CAMKK1: variants seen among roughly 807,000 people sequenced by gnomAD.
The protein encoded by CAMKK1 is calcium/calmodulin dependent protein kinase kinase 1.
A neutral mutation model predicts 63.5 loss-of-function variants in CAMKK1; 20 were observed. That is an observed-to-expected ratio of 0.32 (90% CI 0.22 to 0.46). The LOEUF is 0.46. Among genes scored for constraint, CAMKK1 ranks in the 20% least tolerant of loss-of-function variants. The probability of loss-of-function intolerance (pLI) is 1.00; values close to 1 mark genes in which losing one functional copy is unlikely to be tolerated. For missense variants in CAMKK1, 588 were observed against 658.1 expected, an observed-to-expected ratio of 0.89 and a Z score of 1.17; for synonymous variants, 253 against 269.0, an observed-to-expected ratio of 0.94 and a Z score of 0.58.
chr17:3,864,886 C>T (rs546902630), intron 15 of CAMKK1, among the ~76,000 whole-genome samples: 2 of 152,332 alleles, frequency 1.3e-5, no homozygotes, highest in African/African-American at 4.8e-5. Flanking sequence ...AGAGGGAGGC[C>T]TCACGGGAAA....
chr17:3,870,183 G>A (rs772044138), intron 12 of CAMKK1, among the ~76,000 whole-genome samples: 3 of 151,912 alleles, frequency 2.0e-5, no homozygotes, highest in East Asian at 1.9e-4. Flanking sequence ...TCACCACCTC[G>A]TCCTTTTCTA....
Position 3,869,158 on chromosome 17 carries a change from C to T in CAMKK1, c.1341+329G>A, listed in dbSNP as rs914135026. Among the ~76,000 whole-genome samples the T allele has an allele frequency of 4.6e-4, 69 of 151,518 alleles. 1 individual carries two copies. The highest frequency in any genetic ancestry group is 3.7e-4 in the Non-Finnish European group (25 of 67,876). On this transcript the variant is annotated intron_variant, in intron 14 of 15. Coordinates refer to ENST00000348335, the MANE Select transcript of CAMKK1 (RefSeq NM_032294.3). ...TAATTTTCTATATTTTTAGTAGAGT[C>T]GGGGTTTCAAGGATGGTCTCGATCT...
In CAMKK1 at chr17:3,885,349, G is replaced by T; in HGVS notation, c.339C>A (p.His113Gln). 6.2e-7 allele frequency: 1 copy of T among 1,600,264 alleles called. No homozygotes were observed. Reference sequence around the variant, plus strand: ...CAACCTCTGCATCTGAGATGGCCACGTGGTGGGACTCGATGGTGGGCCTCC... The same window carrying T: ...CAACCTCTGCATCTGAGATGGCCACTTGGTGGGACTCGATGGTGGGCCTCC... ...AWRRPTIESHHVAISDAEDCV... is the reference protein window; with the variant it reads ...AWRRPTIESHQVAISDAEDCV... Residue 113 changes from histidine to glutamine, a missense_variant, in exon 2 of 16, where the codon CAC (histidine) becomes CAA (glutamine). By Grantham distance (24) the His-to-Gln change is conservative. Transcript: ENST00000348335.
At position 3,882,498 on chromosome 17, in the gene CAMKK1, G is replaced by C; in HGVS notation, c.685+30C>G. 6.3e-7 allele frequency: 1 copy of C among 1,598,444 alleles called. No homozygotes were observed. The highest frequency in any genetic ancestry group is 8.5e-7 in the Non-Finnish European group (1 of 1,171,658). On this transcript the variant is annotated intron_variant, in intron 7 of 15. Coordinates refer to ENST00000348335, the MANE Select transcript of CAMKK1 (RefSeq NM_032294.3). The surrounding 1 kb of genome is among the most constrained non-coding windows in gnomAD (Gnocchi z 4.3). Reference sequence around the variant, plus strand: ...GAGCCCTTGGGCCAGCCCTGAGTGAGCTGCTGTGGGAATGAGCCAGGTCAC... The same window carrying C: ...GAGCCCTTGGGCCAGCCCTGAGTGACCTGCTGTGGGAATGAGCCAGGTCAC...
At chr17:3,873,166 G>A (rs2054970681) in intron 11 of CAMKK1, among the ~76,000 whole-genome samples, 1 of 152,220 alleles carries the variant, frequency 6.6e-6, no homozygotes, top group Admixed American at 6.5e-5. Context: ...ACTCTGGCTG[G>A]GGCGGTGGCA....
intron 15 of CAMKK1, among the ~76,000 whole-genome samples, chr17:3,864,546 G>T (rs551936178): frequency 6.6e-6 from 1 of 152,084 alleles, no homozygotes; most frequent in Non-Finnish European, 1.5e-5. Context: ...GCACCCGGCC[G>T]TGCTGGCATA....
At position 3,872,640 on chromosome 17, in the gene CAMKK1, G is replaced by C. The variant is rs752289982; in HGVS notation, c.1051-13C>G. ...CGATGAATGGGCACTGTGGGGTGGA[G>C]AGGCAGACAAAGGATGTGGGTCCAG... On this transcript the variant is annotated splice_polypyrimidine_tract_variant and intron_variant, in intron 11 of 15. Transcript: ENST00000348335. 6.2e-7 allele frequency: 1 copy of C among 1,612,180 alleles called. No individual in the cohort carries two copies. The highest frequency in any genetic ancestry group is 8.5e-7 in the Non-Finnish European group (1 of 1,178,174).
Position 3,862,002 on chromosome 17 carries a change from A to T in CAMKK1, c.*209T>A, listed in dbSNP as rs1667066797. 1.7e-6 allele frequency: 1 copy of T among 586,126 alleles called. No individual in the cohort carries two copies. 36.3% of individuals were successfully genotyped at this position (586,126 alleles called of 1,614,324 possible). A position where few individuals can be genotyped will look rare whatever the true frequency, so the allele number is the denominator to read the frequency against. On this transcript the variant is annotated 3_prime_UTR_variant, in exon 16 of 16. Transcript: ENST00000348335. The surrounding 1 kb of genome is among the most constrained non-coding windows in gnomAD (Gnocchi z 4.1). Reference sequence around the variant, plus strand: ...AAGAAGAGGAGGATGGCCTCGTGGGAGCCCTGCCCCCAAGACCCCAAATGA... The same window carrying T: ...AAGAAGAGGAGGATGGCCTCGTGGGTGCCCTGCCCCCAAGACCCCAAATGA...
chr17:3,880,528 T>C, intron 8 of CAMKK1, 94 bp from the exon 9 acceptor site: 2 of 872,832 alleles, frequency 2.3e-6, no homozygotes, highest in Middle Eastern at 2.2e-4. Context: ...TGTGCCCACA[T>C]GAGTCCCTAC....
intron 11 of CAMKK1, 126 bp from the exon 12 acceptor site, chr17:3,872,753 G>C: frequency 1.4e-6 from 1 of 706,686 alleles, no homozygotes; most frequent in Non-Finnish European, 2.6e-6. Context: ...ACATGAGAAG[G>C]ACCTCAACTC....
rs913754957 is a variant in CAMKK1 at position 3,873,520 on chromosome 17, A to T, written c.997-58T>A. On this transcript the variant is annotated intron_variant, in intron 10 of 15. Coordinates refer to ENST00000348335, the MANE Select transcript of CAMKK1 (RefSeq NM_032294.3). ...CAGGCACAGCCACCTCTGCCCACCCAGCTCCAGCGGGCTGCAGGAGAGGCC... is the reference window on the plus strand; with the variant it reads ...CAGGCACAGCCACCTCTGCCCACCCTGCTCCAGCGGGCTGCAGGAGAGGCC... The T allele has an allele frequency of 1.8e-4, 282 of 1,561,678 alleles. 1 individual carries two copies. The highest frequency in any genetic ancestry group is 2.2e-4 in the Admixed American group (13 of 59,882).
At chr17:3,880,155 G>T (rs1163902240) in intron 9 of CAMKK1, 191 bp downstream of exon 9, 3 of 598,964 alleles carry the variant, frequency 5.0e-6, no homozygotes, top group Non-Finnish European at 9.0e-6. Context: ...ATGCCCAGTG[G>T]AGTCCACCGC....
In CAMKK1 at chr17:3,889,864, C is replaced by T. The variant is rs1043186269; in HGVS notation, c.-44+3075G>A. Reference sequence around the variant, plus strand: ...CATCCAGCTGCATCCCTCAAAGGAGCCCCAGAGCAGGCAGACCCTGCTGCC... The same window carrying T: ...CATCCAGCTGCATCCCTCAAAGGAGTCCCAGAGCAGGCAGACCCTGCTGCC... On this transcript the variant is annotated intron_variant, in intron 1 of 15. Coordinates refer to ENST00000348335, the MANE Select transcript of CAMKK1 (RefSeq NM_032294.3). The surrounding 1 kb of genome is among the most constrained non-coding windows in gnomAD (Gnocchi z 5.2). 2.6e-5 allele frequency among the ~76,000 whole-genome samples: 4 copies of T among 152,240 alleles called. No individual in the cohort carries two copies. The highest frequency in any genetic ancestry group is 4.4e-5 in the Non-Finnish European group (3 of 68,036).
intron 1 of CAMKK1, among the ~76,000 whole-genome samples, chr17:3,886,635 A>G (rs1295074867): frequency 6.6e-6 from 1 of 152,034 alleles, no homozygotes; most frequent in Non-Finnish European, 1.5e-5. Flanking sequence ...CGGTTTCAAA[A>G]AAAAGCAAGG....
In CAMKK1 at chr17:3,865,798, C is replaced by T. The variant is rs1034889538; in HGVS notation, c.1445+110G>A. 8 of 1,532,046 alleles carry T rather than the reference C, an allele frequency of 5.2e-6. No homozygotes were observed. The African/African-American group carries it at 8.2e-5, about 16-fold the overall frequency. The allele number at this position is 1,532,046 out of a possible 1,614,324, so 94.9% of individuals were successfully genotyped here. A position where few individuals can be genotyped will look rare whatever the true frequency, so the allele number is the denominator to read the frequency against. ...GGCCAACACCGAGACCTGGCCAAGT[C>T]CCCAGGCTCTGGCCTTGGCCCAACG... On this transcript the variant is annotated intron_variant, in intron 15 of 15. Transcript: ENST00000348335.
At chr17:3,863,739 A>G (rs960652352) in intron 15 of CAMKK1, among the ~76,000 whole-genome samples, 3 of 152,064 alleles carry the variant, frequency 2.0e-5, no homozygotes, top group Admixed American at 6.6e-5. Context: ...TCTACCCCAA[A>G]TTAAACTTGG....
intron 15 of CAMKK1, chr17:3,865,419 C>T (rs760378405): frequency 3.7e-5 from 37 of 991,612 alleles, no homozygotes; most frequent in Non-Finnish European, 4.4e-5. Context: ...GCAGCCTGGG[C>T]CACTTGGGAG....
intron 15 of CAMKK1, among the ~76,000 whole-genome samples, chr17:3,864,881 G>A (rs2054457915): frequency 6.6e-6 from 1 of 152,212 alleles, no homozygotes; most frequent in South Asian, 2.1e-4. Context: ...TTATGAGAGG[G>A]AGGCCTCACG....
rs548960205 is a variant in CAMKK1, at chr17:3,885,558, G to T, written c.130C>A (p.Pro44Thr). 2.5e-6 allele frequency: 4 copies of T among 1,613,896 alleles called. No homozygotes were observed. The African/African-American group carries it at 4.0e-5, about 16-fold the overall frequency. The part of the protein sequence containing the change: ...GPEPTRNGVD[P>T]PPRARAASVI... ...GAGGCAGCTCTGGCCCGTGGTGGGG[G>T]GTCCACACCGTTTCTAGTAGGCTCT... The change falls in exon 2 of 16, where the codon CCC becomes ACC. Residue 44 changes from proline (P) to threonine (T), a missense_variant. Around this residue, in one of 3 missense-constraint regions of CAMKK1, gnomAD observed 357 missense variants for 407.4 expected, o/e 0.88. Transcript: ENST00000348335.
Sources: gnomAD v4.1 joint callset for allele counts (sites outside exome capture counted in the v4.1 genomes callset) on GRCh38, gnomAD v4.1.1 for gene constraint, gnomAD v4.1.1 regional missense constraint, Gnocchi (gnomAD v3.1) non-coding constraint, MANE v1.5 for transcripts, NCBI Gene and HGNC (gene_info 2026-07-23, HGNC 2026-07-21) for gene names.